Variants in SRCIN1 observed in about 807,000 individuals in gnomAD.
SRCIN1 encodes P130Cas-associated protein.
A neutral mutation model predicts 116.2 loss-of-function variants in SRCIN1; 50 were observed. That is an observed-to-expected ratio of 0.43 (90% CI 0.34 to 0.54). SRCIN1 has a LOEUF of 0.54. Among genes scored for constraint, SRCIN1 ranks in the 20% least tolerant of loss-of-function variants. SRCIN1 has a pLI of 0.02. For missense variants in SRCIN1, 1,446 were observed against 1,672.0 expected (o/e 0.86, Z 2.36); for synonymous variants, 736 against 750.0 (o/e 0.98, Z 0.30).
Position 38,552,761 on chromosome 17 carries a change from G to A in SRCIN1, c.2296C>T (p.Leu766=), listed in dbSNP as rs1905519890. 3 of 1,613,992 alleles carry A rather than the reference G, an allele frequency of 1.9e-6. No homozygotes were observed. The highest frequency in any genetic ancestry group is 2.5e-6 in the Non-Finnish European group (3 of 1,179,890). ...GPELEEKALV[L]KQLGETLTEL... ...GTCAGCGTCTCCCCGAGCTGCTTCAGCACCAGTGCCTTCTCCTCCAGCTCA... is the reference window on the plus strand; with the variant it reads ...GTCAGCGTCTCCCCGAGCTGCTTCAACACCAGTGCCTTCTCCTCCAGCTCA... The change falls in exon 12 of 19, where the codon CTG becomes TTG. Residue 766 remains leucine, a synonymous_variant. Coordinates refer to ENST00000617146, the MANE Select transcript of SRCIN1 (RefSeq NM_025248.3). The surrounding 1 kb of genome is among the most constrained non-coding windows in gnomAD (Gnocchi z 5.3).
At chr17:38,560,125 G>A (rs1275498789) in intron 8 of SRCIN1, 28 bp from the exon 9 acceptor site, 1 of 1,536,488 alleles carries the variant, frequency 6.5e-7, no homozygotes. Flanking sequence ...AAGCCATCAG[G>A]GGGTCCAGGC....
At position 38,552,026 on chromosome 17, in the gene SRCIN1, G is replaced by T. The variant is rs1905456206; in HGVS notation, c.2587C>A (p.Pro863Thr). 6.2e-7 allele frequency: 1 copy of T among 1,613,702 alleles called. No homozygotes were observed. Among genetic ancestry groups the T allele is most frequent in the South Asian group, 1.1e-5 (1 of 91,090 alleles). Residue 863 changes from proline to threonine, a missense_variant, in exon 14 of 19, where the codon CCA becomes ACA. By Grantham distance (38) the Pro-to-Thr change is conservative. Around this residue, in one of 5 missense-constraint regions of SRCIN1, gnomAD observed 531 missense variants for 633.9 expected, o/e 0.84. Transcript: ENST00000617146. The surrounding 1 kb of genome is among the most constrained non-coding windows in gnomAD (Gnocchi z 5.3). ...DFNKSVDFEM[P>T]PPSPPLNLHE... is the part of the protein sequence containing the mutation. ...AGGTTCAGCGGGGGGCTGGGGGGTGGCATTTCGAAGTCCACGCTCTTGTTG... is the reference window on the plus strand; with the variant it reads ...AGGTTCAGCGGGGGGCTGGGGGGTGTCATTTCGAAGTCCACGCTCTTGTTG...
intron 2 of SRCIN1, among the ~76,000 whole-genome samples, chr17:38,571,347 T>C (rs1238216370): frequency 6.6e-6 from 1 of 152,188 alleles, no homozygotes; most frequent in Non-Finnish European, 1.5e-5. Context: ...AATGAATGAA[T>C]GTCAATAAAA....
Position 38,563,954 on chromosome 17 carries a change from A to G in SRCIN1, c.541+164T>C. 1 of 753,544 alleles carries G rather than the reference A, an allele frequency of 1.3e-6. No homozygotes were observed. The highest frequency in any genetic ancestry group is 2.1e-6 in the Non-Finnish European group (1 of 469,542). The allele number at this position is 753,544 out of a possible 1,614,324, so 46.7% of individuals were successfully genotyped here. On this transcript the variant is annotated intron_variant, in intron 4 of 18. Transcript: ENST00000617146. The surrounding 1 kb of genome is among the most constrained non-coding windows in gnomAD (Gnocchi z 5.8). ...GTCGGGTGGGGATGCTGAGGGCGAG[A>G]GAGAGATGGAGAGAGCTGGGGTTGC...
rs1349709367 is a variant in SRCIN1 at position 38,602,062 on chromosome 17, GC to G, written c.22+3621del. ...AGGGCATCCAGGGGAGTGCTCTGGA[GC>G]CCAGGTATCGGGTAGAGGAACCCTG... On this transcript the variant is annotated intron_variant, in intron 1 of 18. Transcript: ENST00000617146. This position sits in a 1 kb window ranked among gnomAD's most constrained non-coding sequence, Gnocchi z 4.2. 6.6e-6 allele frequency among the ~76,000 whole-genome samples: 1 copy of G among 152,094 alleles called. No individual in the cohort carries two copies. The highest frequency in any genetic ancestry group is 1.9e-4 in the East Asian group (1 of 5,192).
At chr17:38,557,715 CT>C (rs1342597565) in intron 11 of SRCIN1, among the ~76,000 whole-genome samples, 1 of 152,236 alleles carries the variant, frequency 6.6e-6, no homozygotes, top group Non-Finnish European at 1.5e-5. Flanking sequence ...CACTACAGCC[CT>C]GTTCCAGCTG....
In SRCIN1 at chr17:38,562,735, G is replaced by T; in HGVS notation, c.834+92C>A. On this transcript the variant is annotated intron_variant, in intron 6 of 18. Coordinates refer to ENST00000617146, the MANE Select transcript of SRCIN1 (RefSeq NM_025248.3). The surrounding 1 kb of genome is among the most constrained non-coding windows in gnomAD (Gnocchi z 4.2). ...CCCCTATGCTGTCTTCTCCAAAGCT[G>T]GCCCTGGTTCCAGATGACAACTGCC... is the stretch of plus-strand genomic sequence containing the variant. 2 of 1,127,392 alleles carry T rather than the reference G, an allele frequency of 1.8e-6. No individual in the cohort carries two copies. Among genetic ancestry groups the T allele is most frequent in the South Asian group, 1.4e-5 (1 of 73,800 alleles). The allele number at this position is 1,127,392 out of a possible 1,614,324, so 69.8% of individuals were successfully genotyped here. A position where few individuals can be genotyped will look rare whatever the true frequency, so the allele number is the denominator to read the frequency against.
intron 1 of SRCIN1, among the ~76,000 whole-genome samples, chr17:38,599,588 G>A (rs1402341482): frequency 2.6e-5 from 4 of 152,222 alleles, no homozygotes; most frequent in Admixed American, 6.5e-5. Flanking sequence ...GTGGCCACAC[G>A]CTGGGAGGTT....
intron 2 of SRCIN1, among the ~76,000 whole-genome samples, chr17:38,569,498 G>A (rs1906937577): frequency 6.6e-6 from 1 of 152,160 alleles, no homozygotes; most frequent in Non-Finnish European, 1.5e-5. Flanking sequence ...GGGAGGAGTT[G>A]GAAGGGGCTG....
At chr17:38,579,568 CCAGGGG>C in intron 1 of SRCIN1, among the ~76,000 whole-genome samples, 1 of 152,168 alleles carries the variant, frequency 6.6e-6, no homozygotes, top group East Asian at 1.9e-4. Context: ...GAAGTCCTTC[CCAGGGG>C]CTTTCCCCCC....
At chr17:38,603,240 C>T (rs982930712) in intron 1 of SRCIN1, among the ~76,000 whole-genome samples, 1 of 151,650 alleles carries the variant, frequency 6.6e-6, no homozygotes, top group African/African-American at 2.4e-5. Flanking sequence ...AGAGAGAGAG[C>T]GCGAGAGTGC....
chr17:38,567,022 A>T (rs1906758756), intron 3 of SRCIN1, among the ~76,000 whole-genome samples: 4 of 151,774 alleles, frequency 2.6e-5, no homozygotes. Context: ...AGAGGTGCAA[A>T]CATAGCTCAC....
intron 1 of SRCIN1, among the ~76,000 whole-genome samples, chr17:38,581,112 A>C (rs1210490143): frequency 6.6e-6 from 1 of 151,956 alleles, no homozygotes; most frequent in African/African-American, 2.4e-5. Context: ...TGAGATTAAA[A>C]GTGTGAGCCG....
At chr17:38,601,509 A>G (rs1490477181) in intron 1 of SRCIN1, among the ~76,000 whole-genome samples, 1 of 151,992 alleles carries the variant, frequency 6.6e-6, no homozygotes, top group African/African-American at 2.4e-5. Context: ...AAAGAGAAAT[A>G]TGAGGGGCAG....
chr17:38,569,608 A>T (rs1281468562), intron 2 of SRCIN1, among the ~76,000 whole-genome samples: 1 of 152,048 alleles, frequency 6.6e-6, no homozygotes, highest in Admixed American at 6.6e-5. Context: ...ATTTGCCAAG[A>T]CCACCCCCTC....
At position 38,552,750 on chromosome 17, in the gene SRCIN1, G is replaced by C. The variant is rs774551912; in HGVS notation, c.2307C>G (p.Leu769=). The change falls in exon 12 of 19, where the codon CTC becomes CTG. Residue 769 remains leucine, a synonymous_variant. Coordinates refer to ENST00000617146, the MANE Select transcript of SRCIN1 (RefSeq NM_025248.3). The surrounding 1 kb of genome is among the most constrained non-coding windows in gnomAD (Gnocchi z 5.3). ...LEEKALVLKQ[L]GETLTELKAH... is the part of the protein sequence containing the mutation. ...CCTTGAGCTCTGTCAGCGTCTCCCC[G>C]AGCTGCTTCAGCACCAGTGCCTTCT... The C allele has an allele frequency of 2.7e-5, 44 of 1,613,764 alleles. No homozygotes were observed. The highest frequency in any genetic ancestry group is 1.2e-4 in the Admixed American group (7 of 59,984).
chr17:38,538,227 A>C (rs1904511231), intron 18 of SRCIN1, among the ~76,000 whole-genome samples: 2 of 150,874 alleles, frequency 1.3e-5, no homozygotes, highest in African/African-American at 4.9e-5. Flanking sequence ...GACCAGCCTG[A>C]CCAACATGGT....
chr17:38,570,376 A>C (rs1907000434), intron 2 of SRCIN1, among the ~76,000 whole-genome samples: 1 of 152,212 alleles, frequency 6.6e-6, no homozygotes, highest in Admixed American at 6.5e-5. Flanking sequence ...AAAACACCAC[A>C]GTCACAGAAA....
In SRCIN1 at chr17:38,580,959, C is replaced by T. The variant is rs149906921; in HGVS notation, c.23-2168G>A. On this transcript the variant is annotated intron_variant, in intron 1 of 18. Coordinates refer to ENST00000617146, the MANE Select transcript of SRCIN1 (RefSeq NM_025248.3). ...CAAGAGTTCCTCCCACTTCAGCCTC[C>T]CAAGTAGCTGGAATTACAGGTGCCT... 5.0e-3 allele frequency among the ~76,000 whole-genome samples: 767 copies of T among 152,260 alleles called. 5 individuals are homozygous for T. The highest frequency in any genetic ancestry group is 0.018 in the African/African-American group (729 of 41,540).
Sources: gnomAD v4.1 joint callset for allele counts (sites outside exome capture counted in the v4.1 genomes callset) on GRCh38, gnomAD v4.1.1 for gene constraint, gnomAD v4.1.1 regional missense constraint, Gnocchi (gnomAD v3.1) non-coding constraint, MANE v1.5 for transcripts, NCBI Gene and HGNC (gene_info 2026-07-23, HGNC 2026-07-21) for gene names.